The following TRAM2 variants were observed in gnomAD, a reference collection of about 807,000 sequenced individuals.
The protein encoded by TRAM2 is translocating chain-associated membrane protein 2.
TRAM2 carries 12 observed loss-of-function variants against 51.0 expected under a neutral mutation model. That is an observed-to-expected ratio of 0.24 (90% CI 0.15 to 0.38). The LOEUF is 0.38. Ranked by LOEUF, TRAM2 falls within the 10% of genes least tolerant of loss-of-function variation. The pLI, the probability that TRAM2 is intolerant of heterozygous loss-of-function variation, is 1.00. For synonymous variants in TRAM2, 175 were observed against 179.4 expected (o/e 0.98, Z 0.20); for missense variants, 361 against 462.0 (o/e 0.78, Z 2.00).
chr6:52,515,101 C>T (rs1048893708), intron 4 of TRAM2, among the ~76,000 whole-genome samples: 4 of 152,130 alleles, frequency 2.6e-5, no homozygotes, highest in Admixed American at 2.6e-4. Flanking sequence ...GTGATGGGAG[C>T]GCCCATCACT....
chr6:52,505,893 C>A, intron 8 of TRAM2, 139 bp downstream of exon 8: 1 of 1,401,894 alleles, frequency 7.1e-7, no homozygotes, highest in East Asian at 2.4e-5. Flanking sequence ...TCAGATGTTC[C>A]AGAAAAAAAT....
intron 2 of TRAM2, chr6:52,529,914 A>G (rs1036432241): frequency 1.3e-5 from 2 of 152,174 alleles, no homozygotes; most frequent in African/African-American, 4.8e-5. Flanking sequence ...TTCTGATCAC[A>G]CACTAGATAC....
intron 1 of TRAM2, among the ~76,000 whole-genome samples, chr6:52,558,751 G>A (rs1418764739): frequency 3.3e-5 from 5 of 152,080 alleles, no homozygotes; most frequent in Non-Finnish European, 1.5e-5. Flanking sequence ...ATGATTTGCT[G>A]CAACAAAAAG....
intron 1 of TRAM2, among the ~76,000 whole-genome samples, chr6:52,564,276 T>C (rs994484749): frequency 6.6e-6 from 1 of 152,124 alleles, no homozygotes; most frequent in Non-Finnish European, 1.5e-5. Context: ...TAGTACAAAT[T>C]GGAGTCACTC....
intron 9 of TRAM2, 133 bp downstream of exon 9, chr6:52,505,466 G>T: frequency 7.8e-7 from 1 of 1,275,880 alleles, no homozygotes; most frequent in Non-Finnish European, 1.1e-6. Flanking sequence ...CCTCAGGCCT[G>T]ATATCCAGAG....
intron 1 of TRAM2, among the ~76,000 whole-genome samples, chr6:52,563,131 C>G (rs1767526947): frequency 6.6e-6 from 1 of 152,050 alleles, no homozygotes; most frequent in South Asian, 2.1e-4. Context: ...TGGAAATGAC[C>G]CAAGTGTCCA....
At chr6:52,529,386 G>A (rs1044732809) in intron 2 of TRAM2, among the ~76,000 whole-genome samples, 16 of 113,088 alleles carry the variant, frequency 1.4e-4, no homozygotes, top group South Asian at 3.5e-4. Context: ...GGTTAGAAGT[G>A]TAGGATTATT....
chr6:52,516,204 CA>C, intron 3 of TRAM2, 82 bp from the exon 4 acceptor site: 2 of 1,294,668 alleles, frequency 1.5e-6, no homozygotes, highest in Non-Finnish European at 2.2e-6. Context: ...ATTCTCCCCA[CA>C]GAAGGGTTGA....
chr6:52,576,701 C>T (rs1037263205), intron 1 of TRAM2, 95 bp downstream of exon 1: 10 of 1,481,746 alleles, frequency 6.7e-6, no homozygotes, highest in Non-Finnish European at 8.2e-6. Flanking sequence ...CAGGAGCCTC[C>T]GATCAGAGGA....
At chr6:52,573,030 G>A (rs895775936) in intron 1 of TRAM2, among the ~76,000 whole-genome samples, 11 of 152,128 alleles carry the variant, frequency 7.2e-5, no homozygotes, top group Admixed American at 1.3e-4. Flanking sequence ...GATAGGCTCA[G>A]AATTGTGGAA....
At chr6:52,554,765 CCTTT>C (rs1767373680) in intron 1 of TRAM2, among the ~76,000 whole-genome samples, 1 of 127,732 alleles carries the variant, frequency 7.8e-6, no homozygotes, top group Non-Finnish European at 1.6e-5. Context: ...TAGAGTCAAT[CCTTT>C]TTTTTTTTTT....
intron 1 of TRAM2, among the ~76,000 whole-genome samples, chr6:52,573,533 G>A (rs904358714): frequency 1.3e-5 from 2 of 152,170 alleles, no homozygotes; most frequent in East Asian, 3.9e-4. Flanking sequence ...TGTAGGACTG[G>A]GAGAAAACCT....
At chr6:52,506,920 T>C (rs1216519515) in intron 7 of TRAM2, among the ~76,000 whole-genome samples, 1 of 152,202 alleles carries the variant, frequency 6.6e-6, no homozygotes, top group African/African-American at 2.4e-5. Context: ...CACAGTGAGC[T>C]CTGTAAGTGC....
rs1051819377 is a variant in TRAM2 at position 52,516,832 on chromosome 6, C to T, written c.185-95G>A. ...TGAGATGGGAGGCGAAATGCGCCAT[C>T]AAATGCTACCCGTTTGCTATAGCCT... is the stretch of plus-strand genomic sequence containing the variant. On this transcript the variant is annotated intron_variant, in intron 2 of 10. Transcript: ENST00000182527. 7.9e-5 allele frequency: 73 copies of T among 922,520 alleles called. 1 individual carries two copies. The highest frequency in any genetic ancestry group is 1.6e-4 in the Admixed American group (9 of 55,226). The allele number at this position is 922,520 out of a possible 1,614,324, so 57.1% of individuals were successfully genotyped here. A position where few individuals can be genotyped will look rare whatever the true frequency, so the allele number is the denominator to read the frequency against.
At chr6:52,558,103 A>G (rs149133338) in intron 1 of TRAM2, among the ~76,000 whole-genome samples, 157 of 152,182 alleles carry the variant, frequency 1.0e-3, no homozygotes, top group African/African-American at 3.7e-3. Flanking sequence ...CCCTACCCCC[A>G]CCTCAGGCCA....
chr6:52,506,206 G>C, intron 7 of TRAM2, 70 bp from the exon 8 acceptor site: 1 of 1,422,744 alleles, frequency 7.0e-7, no homozygotes, highest in Non-Finnish European at 9.8e-7. Context: ...ATTGCATCTT[G>C]GCTCAGGCTG....
intron 2 of TRAM2, among the ~76,000 whole-genome samples, chr6:52,531,674 C>T (rs945582078): frequency 5.9e-5 from 9 of 152,144 alleles, no homozygotes; most frequent in Admixed American, 2.0e-4. Context: ...TCCATGTGCC[C>T]GGAGTGCTTT....
intron 8 of TRAM2, 80 bp from the exon 9 acceptor site, chr6:52,505,822 C>T (rs374493607): frequency 2.4e-5 from 36 of 1,522,112 alleles, no homozygotes; most frequent in African/African-American, 1.2e-4. Flanking sequence ...GAAGAGACCC[C>T]GAGTGGGAAG....
intron 2 of TRAM2, chr6:52,529,910 T>C (rs1429136733): frequency 6.6e-6 from 1 of 152,150 alleles, no homozygotes; most frequent in East Asian, 1.9e-4. Flanking sequence ...ACATTTCTGA[T>C]CACACACTAG....
Sources: gnomAD v4.1 joint callset for allele counts (sites outside exome capture counted in the v4.1 genomes callset) on GRCh38, gnomAD v4.1.1 for gene constraint, MANE v1.5 for transcripts, NCBI Gene and HGNC (gene_info 2026-07-23, HGNC 2026-07-21) for gene names.